The following YAP1 variants were observed in gnomAD, a reference collection of about 807,000 sequenced individuals.
YAP1 encodes Yes1 associated transcriptional regulator.
A neutral mutation model predicts 56.9 loss-of-function variants in YAP1; 5 were observed. The observed-to-expected ratio is 0.09, with a 90% CI of 0.05 to 0.18. The LOEUF is 0.18. Among genes scored for constraint, YAP1 ranks in the 10% least tolerant of loss-of-function variants. The pLI, the probability that YAP1 is intolerant of heterozygous loss-of-function variation, is 1.00. For synonymous variants in YAP1, 265 were observed against 248.1 expected (o/e 1.07, Z -0.64); for missense variants, 539 against 651.8 (o/e 0.83, Z 1.88).
chr11:102,124,609 C>T (rs2135186723), intron 2 of YAP1, among the ~76,000 whole-genome samples: 1 of 152,232 alleles, frequency 6.6e-6, no homozygotes, highest in South Asian at 2.1e-4. Context: ...TCTTGCTAGT[C>T]AGGATAACTG....
chr11:102,190,910 T>C (rs1275285276), intron 4 of YAP1, among the ~76,000 whole-genome samples: 2 of 151,932 alleles, frequency 1.3e-5, no homozygotes, highest in Non-Finnish European at 2.9e-5. Context: ...CATTCTAGCC[T>C]GGGAGACAGA....
intron 6 of YAP1, among the ~76,000 whole-genome samples, chr11:102,213,736 A>T (rs577215623): frequency 6.6e-6 from 1 of 152,206 alleles, no homozygotes; most frequent in East Asian, 1.9e-4. Flanking sequence ...AAGATTCTTC[A>T]TTTCTGTTTT....
chr11:102,161,356 AC>A (rs1946276004), intron 2 of YAP1, among the ~76,000 whole-genome samples: 1 of 149,238 alleles, frequency 6.7e-6, no homozygotes, highest in Admixed American at 6.7e-5. Context: ...ACACACACAC[AC>A]ACACACACAC....
chr11:102,199,124 AAGAG>A (rs1245314594), intron 4 of YAP1, among the ~76,000 whole-genome samples: 2 of 152,190 alleles, frequency 1.3e-5, no homozygotes, highest in Admixed American at 1.3e-4. Flanking sequence ...AGTTCTGCAG[AAGAG>A]AGAGGACTAA....
intron 3 of YAP1, among the ~76,000 whole-genome samples, chr11:102,172,851 C>G (rs1350161652): frequency 6.6e-6 from 1 of 151,986 alleles, no homozygotes; most frequent in African/African-American, 2.4e-5. Context: ...AGAGTGAGAG[C>G]CATGTGAATA....
intron 1 of YAP1, among the ~76,000 whole-genome samples, chr11:102,113,077 A>G (rs2135105898): frequency 1.3e-5 from 2 of 152,300 alleles, no homozygotes; most frequent in Non-Finnish European, 1.5e-5. Flanking sequence ...AATCATACTT[A>G]TTCTGATGGG....
intron 4 of YAP1, among the ~76,000 whole-genome samples, chr11:102,195,013 C>T (rs1393110639): frequency 6.6e-6 from 1 of 152,108 alleles, no homozygotes; most frequent in Admixed American, 6.5e-5. Flanking sequence ...CTGCCTCAGC[C>T]TCCCAAGTAG....
At chr11:102,177,171 G>A (rs1054521661) in intron 3 of YAP1, among the ~76,000 whole-genome samples, 20 of 152,030 alleles carry the variant, frequency 1.3e-4, no homozygotes, top group Non-Finnish European at 2.8e-4. Flanking sequence ...TGAATGAGGA[G>A]GGATGTGAAA....
chr11:102,154,699 T>C (rs1945843499), intron 2 of YAP1, among the ~76,000 whole-genome samples: 1 of 152,204 alleles, frequency 6.6e-6, no homozygotes, highest in South Asian at 2.1e-4. Flanking sequence ...GTAAAACTTA[T>C]TCACTAATTT....
chr11:102,229,120 C>CA (rs1342854983), intron 8 of YAP1, among the ~76,000 whole-genome samples: 1 of 152,058 alleles, frequency 6.6e-6, no homozygotes, highest in Non-Finnish European at 1.5e-5. Flanking sequence ...TTGTCATATG[C>CA]AAAAAAGGCT....
intron 7 of YAP1, among the ~76,000 whole-genome samples, chr11:102,225,474 A>C (rs1950152162): frequency 6.6e-6 from 1 of 152,204 alleles, no homozygotes; most frequent in Non-Finnish European, 1.5e-5. Flanking sequence ...AACAAGAGTG[A>C]AACTTGGTCT....
chr11:102,192,037 T>G (rs1248582314), intron 4 of YAP1, among the ~76,000 whole-genome samples: 1 of 152,212 alleles, frequency 6.6e-6, no homozygotes, highest in Non-Finnish European at 1.5e-5. Flanking sequence ...AGGCATCTAG[T>G]TGAATTATTT....
chr11:102,126,548 C>T (rs1211641666), intron 2 of YAP1, among the ~76,000 whole-genome samples: 2 of 152,174 alleles, frequency 1.3e-5, no homozygotes, highest in Non-Finnish European at 1.5e-5. Context: ...TCTCACCTCC[C>T]GCCATGATTC....
rs185677561 is a variant in YAP1, at chr11:102,129,449, T to A, written c.572+15055T>A. On this transcript the variant is annotated intron_variant, in intron 2 of 8. Coordinates refer to ENST00000282441, the MANE Select transcript of YAP1 (RefSeq NM_001130145.3). ...GCCTGACCAACATCGTGAAACCCCA[T>A]CTCTACAAAAACACAAAAATTAGCT... 1.3e-4 allele frequency among the ~76,000 whole-genome samples: 20 copies of A among 151,902 alleles called. No homozygotes were observed. In the East Asian group the frequency reaches 1.4e-3, roughly 10 times the overall value.
chr11:102,128,740 T>A (rs1944190448), intron 2 of YAP1, among the ~76,000 whole-genome samples: 1 of 152,180 alleles, frequency 6.6e-6, no homozygotes. Flanking sequence ...GTTCAGAAGG[T>A]TTGGATTCTG....
chr11:102,141,869 G>A (rs145483322), intron 2 of YAP1, among the ~76,000 whole-genome samples: 1 of 152,314 alleles, frequency 6.6e-6, no homozygotes, highest in Non-Finnish European at 1.5e-5. Flanking sequence ...TGGTGTGCCA[G>A]CTGATTTACT....
At position 102,110,840 on chromosome 11, in the gene YAP1, G is replaced by A; in HGVS notation, c.-9G>A. The A allele has an allele frequency of 7.1e-7, 1 of 1,398,864 alleles. No individual in the cohort carries two copies. Among genetic ancestry groups the A allele is most frequent in the Admixed American group, 2.8e-5 (1 of 35,960 alleles). The allele number at this position is 1,398,864 out of a possible 1,614,324, so 86.7% of individuals were successfully genotyped here. On this transcript the variant is annotated 5_prime_UTR_variant, in exon 1 of 9. Transcript: ENST00000282441. ...GGTCAGGGGGTGCGCGTCGGGGGAG[G>A]CAGAAGCCATGGATCCCGGGCAGCA...
intron 3 of YAP1, among the ~76,000 whole-genome samples, chr11:102,165,024 G>A (rs1946518883): frequency 6.6e-6 from 1 of 152,060 alleles, no homozygotes. Flanking sequence ...TGTCCAGCCG[G>A]TTTTAGTGGG....
At chr11:102,147,364 CATATT>C (rs1256989546) in intron 2 of YAP1, among the ~76,000 whole-genome samples, 1 of 152,124 alleles carries the variant, frequency 6.6e-6, no homozygotes, top group Non-Finnish European at 1.5e-5. Context: ...AAGAGATAAA[CATATT>C]ATAGTAAATT....
Sources: allele counts gnomAD v4.1 joint callset (sites outside exome capture counted in the v4.1 genomes callset), GRCh38; gene constraint gnomAD v4.1.1; transcripts MANE v1.5; gene names NCBI Gene and HGNC (gene_info 2026-07-23, HGNC 2026-07-21).